The following EDEM1 variants were observed in gnomAD, a reference collection of about 807,000 sequenced individuals.
EDEM1 encodes ER degradation enhancing alpha-mannosidase like protein 1.
EDEM1 carries 67 observed loss-of-function variants against 74.4 expected under a neutral mutation model. That is an observed-to-expected ratio of 0.90 (90% confidence interval 0.74 to 1.10). The LOEUF is 1.10. EDEM1 is among the 50% of genes least tolerant of loss of function. The pLI is 0.00. For missense variants in EDEM1, 926 were observed against 851.6 expected, an observed-to-expected ratio of 1.09 and a Z score of -1.09; for synonymous variants, 382 against 335.9, an observed-to-expected ratio of 1.14 and a Z score of -1.50.
intron 11 of EDEM1, among the ~76,000 whole-genome samples, chr3:5,215,081 G>GGGGCA (rs1452604562): frequency 2.0e-5 from 3 of 152,166 alleles, no homozygotes; most frequent in Admixed American, 6.5e-5. Context: ...TGGGCTGGTG[G>GGGGCA]GGGCAGTCGG....
At chr3:5,196,430 C>G (rs927777059) in intron 2 of EDEM1, among the ~76,000 whole-genome samples, 1 of 150,614 alleles carries the variant, frequency 6.6e-6, no homozygotes, top group Non-Finnish European at 1.5e-5. Flanking sequence ...GCACTGTAGC[C>G]TGGGCAACAG....
At chr3:5,210,673 A>G (rs186385671) in intron 9 of EDEM1, among the ~76,000 whole-genome samples, 7 of 151,892 alleles carry the variant, frequency 4.6e-5, no homozygotes, top group South Asian at 2.1e-4. Context: ...AACATACTCT[A>G]TATTTCAATT....
At position 5,201,768 on chromosome 3, in the gene EDEM1, C is replaced by T. The variant is rs761088286; in HGVS notation, c.702C>T (p.Leu234=). 5 of 1,614,180 alleles carry T rather than the reference C, an allele frequency of 3.1e-6. No individual in the cohort carries two copies. The Admixed American group carries it at 8.3e-5, about 27-fold the overall frequency. Residue 234 remains leucine, a synonymous_variant, in exon 4 of 12, where the codon CTC becomes CTT. Coordinates refer to ENST00000256497, the MANE Select transcript of EDEM1 (RefSeq NM_014674.3). ...CTGTCATTAGGGTCCTGGGAAGCCT[C>T]CTTTCTGCTCACAGAATAATAACTG... ...FEATIRVLGS[L]LSAHRIITDS...
At position 5,208,788 on chromosome 3, in the gene EDEM1, C is replaced by CAT. The variant is rs201823755; in HGVS notation, c.1509+532_1509+533dup. ...ATATATATACACACACACACACACACATATATATGTAATAGTGTTCATCCT... is the reference window on the plus strand; with the variant it reads ...ATATATATACACACACACACACACACATATATATATGTAATAGTGTTCATCCT... On this transcript the variant is annotated intron_variant, in intron 8 of 11. Coordinates refer to ENST00000256497, the MANE Select transcript of EDEM1 (RefSeq NM_014674.3). Among the ~76,000 whole-genome samples the CAT allele has an allele frequency of 2.1e-3, 322 of 150,668 alleles. 1 individual carries two copies. The highest frequency in any genetic ancestry group is 3.4e-3 in the Middle Eastern group (1 of 292).
chr3:5,196,719 C>T (rs1264867880), intron 2 of EDEM1, among the ~76,000 whole-genome samples: 1 of 152,170 alleles, frequency 6.6e-6, no homozygotes, highest in African/African-American at 2.4e-5. Flanking sequence ...GAAGTTATTG[C>T]TGCTCTGTTT....
rs907030401 is a variant in EDEM1 at position 5,216,232 on chromosome 3, G to A, written c.*314G>A. 3 of 315,700 alleles carry A rather than the reference G, an allele frequency of 9.5e-6. No homozygotes were observed. The highest frequency in any genetic ancestry group is 1.7e-5 in the Non-Finnish European group (3 of 174,712). The allele number at this position is 315,700 out of a possible 1,614,324, so 19.6% of individuals were successfully genotyped here. A position where few individuals can be genotyped will look rare whatever the true frequency, so the allele number is the denominator to read the frequency against. On this transcript the variant is annotated 3_prime_UTR_variant, in exon 12 of 12. Coordinates refer to ENST00000256497, the MANE Select transcript of EDEM1 (RefSeq NM_014674.3). Reference sequence around the variant, plus strand: ...TTGATGTTCACAGCTTTATACTTCAGAACCTAAGTCTCTTCACTTTGCTGG... The same window carrying A: ...TTGATGTTCACAGCTTTATACTTCAAAACCTAAGTCTCTTCACTTTGCTGG...
chr3:5,210,633 TATG>T (rs1333395102), intron 9 of EDEM1, among the ~76,000 whole-genome samples: 2 of 152,112 alleles, frequency 1.3e-5, no homozygotes, highest in East Asian at 3.8e-4. Context: ...TATTTTTATA[TATG>T]ATGTGTGTAT....
chr3:5,197,895 T>C (rs1056438084), intron 2 of EDEM1, among the ~76,000 whole-genome samples: 6 of 152,204 alleles, frequency 3.9e-5, no homozygotes, highest in Non-Finnish European at 7.3e-5. Flanking sequence ...AGCTTGGTTT[T>C]ATACATTGTA....
rs2055035513 is a variant in EDEM1, at chr3:5,201,632, C to G, written c.687-121C>G. The G allele has an allele frequency of 7.8e-6, 9 of 1,153,340 alleles. 1 individual carries two copies. In the South Asian group the frequency reaches 9.3e-5, roughly 12 times the overall value. The allele number at this position is 1,153,340 out of a possible 1,614,324, so 71.4% of individuals were successfully genotyped here. A position where few individuals can be genotyped will look rare whatever the true frequency, so the allele number is the denominator to read the frequency against. The stretch of plus-strand genomic sequence containing the variant: ...TTCAAGAGTCCATTAAGTCAGGTCT[C>G]TCTGACGTCAGGCAGTTCTGAGTCT... On this transcript the variant is annotated intron_variant, in intron 3 of 11. Transcript: ENST00000256497.
intron 3 of EDEM1, among the ~76,000 whole-genome samples, chr3:5,200,376 CAT>C (rs1374707762): frequency 6.6e-6 from 1 of 152,172 alleles, no homozygotes; most frequent in African/African-American, 2.4e-5. Flanking sequence ...GAGAGTTTCC[CAT>C]CTTACCACCC....
chr3:5,211,318 G>A (rs114537202), intron 10 of EDEM1, 102 bp downstream of exon 10: 87 of 1,128,234 alleles, frequency 7.7e-5, no homozygotes, highest in Admixed American at 1.8e-4. Flanking sequence ...AAAGCTATGT[G>A]CTGGACATTG....
chr3:5,196,664 A>G (rs77726020), intron 2 of EDEM1, among the ~76,000 whole-genome samples: 8,266 of 152,286 alleles, frequency 0.054, 321 homozygotes, highest in Middle Eastern at 0.082. Flanking sequence ...CTGATTTAGT[A>G]TAATTTAAAT....
chr3:5,188,026 C>T lies in EDEM1; in HGVS notation c.221C>T (p.Pro74Leu), dbSNP rs1289075189. ...GTATCCGGGCCGTCGTGGCTGCAGC[C>T]GCCGGGGACCGGGGCAGCGCAGAGC... ...GGVSGPSWLQ[P>L]PGTGAAQSPR... is the part of the protein sequence containing the mutation. The change falls in exon 1 of 12, where the codon CCG becomes CTG. Residue 74 changes from proline to leucine, a missense_variant. Pro to Leu is a moderately conservative substitution (Grantham distance 98, BLOSUM62 -3). Coordinates refer to ENST00000256497, the MANE Select transcript of EDEM1 (RefSeq NM_014674.3). The T allele has an allele frequency of 2.1e-6, 3 of 1,454,840 alleles. No individual in the cohort carries two copies. The highest frequency in any genetic ancestry group is 2.2e-4 in the Middle Eastern group (1 of 4,512). The allele number at this position is 1,454,840 out of a possible 1,614,324, so 90.1% of individuals were successfully genotyped here.
chr3:5,194,128 A>G (rs2054934417), intron 1 of EDEM1, among the ~76,000 whole-genome samples: 1 of 152,210 alleles, frequency 6.6e-6, no homozygotes, highest in Non-Finnish European at 1.5e-5. Flanking sequence ...ATAAGGACCC[A>G]TTAGGGTGAT....
Position 5,211,139 on chromosome 3 carries a change from C to T in EDEM1, c.1603C>T (p.His535Tyr). The change falls in exon 10 of 12, where the codon CAT becomes TAT. Residue 535 changes from histidine to tyrosine, a missense_variant. Physicochemically the swap from His to Tyr is moderately conservative, Grantham distance 83. Transcript: ENST00000256497. ...TKVKCGYATL[H>Y]HVIDKSTEDR... The stretch of plus-strand genomic sequence containing the variant: ...TTGTAGGTGTGGGTACGCCACGCTG[C>T]ATCACGTCATTGACAAGTCCACAGA... 1 of 1,614,172 alleles carries T rather than the reference C, an allele frequency of 6.2e-7. No individual in the cohort carries two copies. Among genetic ancestry groups the T allele is most frequent in the Non-Finnish European group, 8.5e-7 (1 of 1,180,034 alleles).
At chr3:5,199,836 A>G (rs888536775) in intron 3 of EDEM1, 141 bp downstream of exon 3, 3 of 572,978 alleles carry the variant, frequency 5.2e-6, no homozygotes, top group Non-Finnish European at 9.0e-6. Flanking sequence ...TGCATTTTTC[A>G]TGTTCATATC....
intron 7 of EDEM1, 41 bp downstream of exon 7, chr3:5,207,314 G>T: frequency 6.2e-7 from 1 of 1,609,746 alleles, no homozygotes; most frequent in Non-Finnish European, 8.5e-7. Flanking sequence ...CCAATCACCA[G>T]AAAGGGCTTC....
intron 5 of EDEM1, among the ~76,000 whole-genome samples, chr3:5,204,849 C>T (rs537975876): frequency 2.0e-5 from 3 of 152,260 alleles, no homozygotes; most frequent in Admixed American, 2.0e-4. Context: ...TGTTTATCCC[C>T]ATGTTTGTGT....
intron 1 of EDEM1, chr3:5,189,435 G>A (rs1423004669): frequency 6.6e-6 from 1 of 152,154 alleles, no homozygotes; most frequent in Non-Finnish European, 1.5e-5. Flanking sequence ...CGAAGCAAGG[G>A]GACATCCCAA....
Sources: allele counts gnomAD v4.1 joint callset (sites outside exome capture counted in the v4.1 genomes callset), GRCh38; gene constraint gnomAD v4.1.1; transcripts MANE v1.5; gene names NCBI Gene and HGNC (gene_info 2026-07-23, HGNC 2026-07-21).